NKX2-1: variants seen among roughly 807,000 people sequenced by gnomAD.
NKX2-1 encodes homeobox protein Nkx-2.1.
Under a neutral mutation model 35.1 loss-of-function variants are expected in NKX2-1, and 9 were observed. The ratio of observed to expected loss-of-function variants is 0.26; its 90% CI spans 0.15 to 0.45. The LOEUF (loss-of-function observed/expected upper bound fraction) is 0.45, where lower values mean the gene tolerates loss of function less well. Ranked by LOEUF, NKX2-1 falls within the 20% of genes least tolerant of loss-of-function variation. The probability of loss-of-function intolerance (pLI) is 1.00; values close to 1 mark genes in which losing one functional copy is unlikely to be tolerated. For synonymous variants in NKX2-1, 284 were observed against 269.9 expected, an observed-to-expected ratio of 1.05 and a Z score of -0.51; for missense variants, 509 against 589.1, an observed-to-expected ratio of 0.86 and a Z score of 1.41.
At chr14:36,519,488 A>G (rs1293344544) in intron 1 of NKX2-1, 118 bp from the exon 2 acceptor site, 1 of 1,542,818 alleles carries the variant, frequency 6.5e-7, no homozygotes, top group Non-Finnish European at 8.7e-7. Context: ...ATCTTGTTGG[A>G]TGTACACGTA....
intron 2 of NKX2-1, 36 bp from the exon 3 acceptor site, chr14:36,518,056 A>G (rs1375190324): frequency 1.3e-6 from 2 of 1,590,386 alleles, no homozygotes; most frequent in East Asian, 2.2e-5. Context: ...GGCCGGGGCC[A>G]GGCCGAGCCA....
rs1398331119 is a variant in NKX2-1 at position 36,517,674 on chromosome 14, C to G, written c.810G>C (p.Gly270=). ...GTTGCTGCTGCGGGCACCCGGTGCC[C>G]CCGCCGCCCCCGCCGCCGCCGCTGT... ...QQDSGGGGGG[G]GTGCPQQQQA... is the part of the protein sequence containing the mutation. Residue 270 remains glycine (G), a synonymous_variant, in exon 3 of 3, where the codon GGG becomes GGC. Coordinates refer to ENST00000354822, the MANE Select transcript of NKX2-1 (RefSeq NM_001079668.3). The G allele has an allele frequency of 1.3e-6, 2 of 1,553,480 alleles. No individual in the cohort carries two copies. The highest frequency in any genetic ancestry group is 1.7e-6 in the Non-Finnish European group (2 of 1,150,338).
intron 1 of NKX2-1, 186 bp from the exon 2 acceptor site, chr14:36,519,556 C>T: frequency 2.6e-6 from 4 of 1,534,332 alleles, no homozygotes; most frequent in Non-Finnish European, 3.5e-6. Context: ...GGCTGCCTCG[C>T]GTTTGTTTTA....
Position 36,517,653 on chromosome 14 carries a change from C to T in NKX2-1, c.831G>A (p.Gln277=). 2 of 1,546,374 alleles carry T rather than the reference C, an allele frequency of 1.3e-6. No individual in the cohort carries two copies. Among genetic ancestry groups the T allele is most frequent in the South Asian group, 2.4e-5 (2 of 84,100 alleles). ...GCGGCGACTGCTGCTGAGCCTGTTG[C>T]TGCTGCGGGCACCCGGTGCCCCCGC... is the stretch of plus-strand genomic sequence containing the variant. ...GGGGGTGCPQ[Q]QQAQQQSPRR... is the part of the protein sequence containing the mutation. The change falls in exon 3 of 3, where the codon CAG becomes CAA. Residue 277 remains glutamine, a synonymous_variant. Transcript: ENST00000354822.
Position 36,517,648 on chromosome 14 carries a change from T to G in NKX2-1, c.836A>C (p.Gln279Pro). 1.3e-6 allele frequency: 2 copies of G among 1,545,310 alleles called. No individual in the cohort carries two copies. Among genetic ancestry groups the G allele is most frequent in the Non-Finnish European group, 1.7e-6 (2 of 1,146,492 alleles). Residue 279 changes from glutamine (Q) to proline (P), a missense_variant, in exon 3 of 3, where the codon CAG becomes CCG. Gln to Pro is a moderately conservative substitution (Grantham distance 76, BLOSUM62 -1). Around this residue, in one of 5 missense-constraint regions of NKX2-1, gnomAD observed 212 missense variants for 227.7 expected, o/e 0.93. Transcript: ENST00000354822. ...GGGTGCPQQQQAQQQSPRRVA... is the reference protein window; with the variant it reads ...GGGTGCPQQQPAQQQSPRRVA... ...GCGTCGCGGCGACTGCTGCTGAGCC[T>G]GTTGCTGCTGCGGGCACCCGGTGCC... is the stretch of plus-strand genomic sequence containing the variant.
Position 36,517,099 on chromosome 14 carries a change from A to G in NKX2-1, c.*179T>C, listed in dbSNP as rs550912157. On this transcript the variant is annotated 3_prime_UTR_variant, in exon 3 of 3. Coordinates refer to ENST00000354822, the MANE Select transcript of NKX2-1 (RefSeq NM_001079668.3). ...AAAAACCCACAAATTTTAGGGGGGGAAAAAAAGAAAGACGTCCAGCAGTTT... is the reference window on the plus strand; with the variant it reads ...AAAAACCCACAAATTTTAGGGGGGGGAAAAAAGAAAGACGTCCAGCAGTTT... 309 of 644,916 alleles carry G rather than the reference A, an allele frequency of 4.8e-4. 4 individuals carry two copies. Among genetic ancestry groups the G allele is most frequent in the African/African-American group, 1.4e-3 (78 of 55,896 alleles). The allele number at this position is 644,916 out of a possible 1,614,324, so 39.9% of individuals were successfully genotyped here.
intron 1 of NKX2-1, 32 bp downstream of exon 1, chr14:36,520,021 G>A (rs777264286): frequency 3.0e-5 from 49 of 1,612,468 alleles, no homozygotes; most frequent in Non-Finnish European, 3.8e-5. Context: ...TCTTTAGGAG[G>A]AGGGGGCTGA....
At chr14:36,519,692 A>C in intron 1 of NKX2-1, 2 of 1,511,064 alleles carry the variant, frequency 1.3e-6, no homozygotes, top group South Asian at 1.2e-5. Flanking sequence ...AAACACCTTT[A>C]AGTTTCACTT....
chr14:36,517,095 G>A lies in NKX2-1; in HGVS notation c.*183C>T. On this transcript the variant is annotated 3_prime_UTR_variant, in exon 3 of 3. Transcript: ENST00000354822. ...AAAAAAAAACCCACAAATTTTAGGGGGGGAAAAAAAGAAAGACGTCCAGCA... is the reference window on the plus strand; with the variant it reads ...AAAAAAAAACCCACAAATTTTAGGGAGGGAAAAAAAGAAAGACGTCCAGCA... 9.2e-7 allele frequency: 1 copy of A among 1,091,388 alleles called. No homozygotes were observed. 67.6% of individuals were successfully genotyped at this position (1,091,388 alleles called of 1,614,324 possible). A position where few individuals can be genotyped will look rare whatever the true frequency, so the allele number is the denominator to read the frequency against.
Position 36,519,769 on chromosome 14 carries a change from C to A in NKX2-1, c.77+284G>T. On this transcript the variant is annotated intron_variant, in intron 1 of 2. Coordinates refer to ENST00000354822, the MANE Select transcript of NKX2-1 (RefSeq NM_001079668.3). ...AGACGAGACCCAAAGCATTTCCCCC[C>A]TCCCTTGGACACCCCCACCCCCATT... 19 of 1,459,870 alleles carry A rather than the reference C, an allele frequency of 1.3e-5. No individual in the cohort carries two copies. The South Asian group carries it at 2.6e-4, about 20-fold the overall frequency. 90.4% of individuals were successfully genotyped at this position (1,459,870 alleles called of 1,614,324 possible). A position where few individuals can be genotyped will look rare whatever the true frequency, so the allele number is the denominator to read the frequency against.
rs1049195720 is a variant in NKX2-1 at position 36,517,041 on chromosome 14, C to T, written c.*237G>A. ...TAAAGATTCCTTGAGATTGGATGCG[C>T]TTGGTTGTTTTTCATTTTCTTTTTT... On this transcript the variant is annotated 3_prime_UTR_variant, in exon 3 of 3. Transcript: ENST00000354822. 2.2e-4 allele frequency: 170 copies of T among 772,228 alleles called. No individual in the cohort carries two copies. In the African/African-American group the frequency reaches 2.9e-3, roughly 13 times the overall value. 47.8% of individuals were successfully genotyped at this position (772,228 alleles called of 1,614,324 possible).
rs1221163697 is a variant in NKX2-1 at position 36,517,199 on chromosome 14, C to G, written c.*79G>C. The G allele has an allele frequency of 6.4e-6, 10 of 1,552,410 alleles. No homozygotes were observed. The highest frequency in any genetic ancestry group is 8.7e-6 in the Non-Finnish European group (10 of 1,149,166). On this transcript the variant is annotated 3_prime_UTR_variant, in exon 3 of 3. Transcript: ENST00000354822. ...AGAAAAGTCGAAGCGCGTGGAGCAG[C>G]GGTGGATGGTGGTCTGTGTGGCGGG...
At chr14:36,518,114 C>A (rs1881134369) in intron 2 of NKX2-1, 94 bp from the exon 3 acceptor site, 3 of 1,516,638 alleles carry the variant, frequency 2.0e-6, no homozygotes, top group African/African-American at 1.4e-5. Context: ...CCGCCCCAAC[C>A]GACGGCGCCC....
In NKX2-1 at chr14:36,520,133, G is replaced by A. The variant is rs1881286253; in HGVS notation, c.-4C>T. The stretch of plus-strand genomic sequence containing the variant: ...TCCCACTGCCTCCGGACCACATCGG[G>A]CTTCGCTGCGCTGAGCCCCAGTCGC... On this transcript the variant is annotated 5_prime_UTR_variant, in exon 1 of 3. Transcript: ENST00000354822. 3.1e-6 allele frequency: 5 copies of A among 1,612,728 alleles called. No homozygotes were observed. Among genetic ancestry groups the A allele is most frequent in the Non-Finnish European group, 4.2e-6 (5 of 1,179,864 alleles).
chr14:36,520,182 G>A lies in NKX2-1; in HGVS notation c.-53C>T. Reference sequence around the variant, plus strand: ...GCCAACAAATGAGCGAGCGAGTCTGGGGACGAACCCTGGGGCCGCACTGTT... The same window carrying A: ...GCCAACAAATGAGCGAGCGAGTCTGAGGACGAACCCTGGGGCCGCACTGTT... On this transcript the variant is annotated 5_prime_UTR_variant, in exon 1 of 3. Transcript: ENST00000354822. The A allele has an allele frequency of 1.9e-6, 3 of 1,603,936 alleles. No individual in the cohort carries two copies. The Admixed American group carries it at 5.1e-5, about 27-fold the overall frequency.
intron 2 of NKX2-1, 47 bp from the exon 3 acceptor site, chr14:36,518,067 G>A (rs1881129358): frequency 2.5e-6 from 4 of 1,588,950 alleles, no homozygotes; most frequent in Non-Finnish European, 3.4e-6. Flanking sequence ...GGCCGAGCCA[G>A]GCCACCCCTG....
chr14:36,517,098 G>A lies in NKX2-1; in HGVS notation c.*180C>T, dbSNP rs1566614584. On this transcript the variant is annotated 3_prime_UTR_variant, in exon 3 of 3. Transcript: ENST00000354822. ...AAAAAACCCACAAATTTTAGGGGGG[G>A]AAAAAAAGAAAGACGTCCAGCAGTT... 17 of 1,163,446 alleles carry A rather than the reference G, an allele frequency of 1.5e-5. No homozygotes were observed. Among genetic ancestry groups the A allele is most frequent in the Non-Finnish European group, 2.3e-6 (2 of 882,902 alleles). The allele number at this position is 1,163,446 out of a possible 1,614,324, so 72.1% of individuals were successfully genotyped here. A position where few individuals can be genotyped will look rare whatever the true frequency, so the allele number is the denominator to read the frequency against.
chr14:36,517,772 A>G lies in NKX2-1; in HGVS notation c.712T>C (p.Trp238Arg). Residue 238 changes from tryptophan (W) to arginine (R), a missense_variant, in exon 3 of 3, where the codon TGG becomes CGG. By Grantham distance (101) the Trp-to-Arg change is moderately radical. This residue lies in a region of NKX2-1 where 11 missense variants were observed against 31.9 expected (regional missense o/e 0.35). Transcript: ENST00000354822. ...ATTTTGTAGCGGTGGTTCTGGAACC[A>G]GATCTTGACCTGCGTGGGCGTCAGG... ...IHLTPTQVKI[W>R]FQNHRYKMKR... is the part of the protein sequence containing the mutation. The G allele has an allele frequency of 6.2e-7, 1 of 1,612,590 alleles. No homozygotes were observed. The highest frequency in any genetic ancestry group is 8.5e-7 in the Non-Finnish European group (1 of 1,179,790).
At position 36,517,116 on chromosome 14, in the gene NKX2-1, C is replaced by A; in HGVS notation, c.*162G>T. On this transcript the variant is annotated 3_prime_UTR_variant, in exon 3 of 3. Transcript: ENST00000354822. ...AGGGGGGGAAAAAAAGAAAGACGTC[C>A]AGCAGTTTGGCCTTTGTGGTTTTTT... 2 of 1,223,754 alleles carry A rather than the reference C, an allele frequency of 1.6e-6. No individual in the cohort carries two copies. Among genetic ancestry groups the A allele is most frequent in the South Asian group, 1.8e-5 (1 of 55,856 alleles). The allele number at this position is 1,223,754 out of a possible 1,614,324, so 75.8% of individuals were successfully genotyped here. A position where few individuals can be genotyped will look rare whatever the true frequency, so the allele number is the denominator to read the frequency against.
Sources: allele counts gnomAD v4.1 joint callset, GRCh38; gene constraint gnomAD v4.1.1; regional missense constraint gnomAD v4.1.1; transcripts MANE v1.5; gene names NCBI Gene and HGNC (gene_info 2026-07-23, HGNC 2026-07-21).